Variants in SLC3A2 observed in about 807,000 individuals in gnomAD.
SLC3A2 encodes amino acid transporter heavy chain SLC3A2.
In SLC3A2, 32 loss-of-function variants were observed where a neutral mutation model predicts 48.5. The ratio of observed to expected loss-of-function variants is 0.66; its 90% CI spans 0.50 to 0.89. The LOEUF (loss-of-function observed/expected upper bound fraction) is 0.89. SLC3A2 is among the 40% of genes least tolerant of loss of function. The pLI is 0.00. For missense variants in SLC3A2, 587 were observed against 680.7 expected (o/e 0.86, Z 1.53); for synonymous variants, 277 against 288.8 (o/e 0.96, Z 0.41).
chr11:62,858,144 G>A (rs2085358922), intron 1 of SLC3A2, among the ~76,000 whole-genome samples: 1 of 152,188 alleles, frequency 6.6e-6, no homozygotes, highest in Non-Finnish European at 1.5e-5. Flanking sequence ...TGCCATAGTA[G>A]TTTAGGCAAG....
chr11:62,888,152 C>T lies in SLC3A2; in HGVS notation c.1161C>T (p.Val387=), dbSNP rs1297864613. The stretch of plus-strand genomic sequence containing the variant: ...CTTTTCAGCCTATGGAGGCTCCAGT[C>T]ATGCTGTGGGATGAGTCCAGCTTCC... ...ALPGQPMEAP[V]MLWDESSFPD... The change falls in exon 8 of 9, where the codon GTC becomes GTT. Residue 387 remains valine, a synonymous_variant. Transcript: ENST00000338663. The T allele has an allele frequency of 1.2e-6, 2 of 1,613,808 alleles. No homozygotes were observed. The highest frequency in any genetic ancestry group is 1.7e-6 in the Non-Finnish European group (2 of 1,179,982).
intron 1 of SLC3A2, among the ~76,000 whole-genome samples, chr11:62,872,146 A>T (rs1420760127): frequency 6.6e-6 from 1 of 152,022 alleles, no homozygotes; most frequent in Non-Finnish European, 1.5e-5. Flanking sequence ...CGATCTCCTG[A>T]CCTTGTGATC....
intron 1 of SLC3A2, among the ~76,000 whole-genome samples, chr11:62,870,399 T>C (rs573606708): frequency 1.3e-5 from 2 of 151,358 alleles, no homozygotes; most frequent in Admixed American, 1.3e-4. Flanking sequence ...TTGGCCAGGA[T>C]GGTCTTGATC....
intron 1 of SLC3A2, chr11:62,856,516 C>T: frequency 4.2e-6 from 3 of 709,830 alleles, no homozygotes; most frequent in Non-Finnish European, 6.9e-6. Flanking sequence ...GTCCTGCCTT[C>T]TGGTGCGTTT....
At chr11:62,868,801 G>A (rs1053830122) in intron 1 of SLC3A2, among the ~76,000 whole-genome samples, 1 of 152,202 alleles carries the variant, frequency 6.6e-6, no homozygotes, top group Admixed American at 6.6e-5. Flanking sequence ...CAATCTGACG[G>A]ACATGAAATT....
At position 62,881,286 on chromosome 11, in the gene SLC3A2, T is replaced by G; in HGVS notation, c.263T>G (p.Phe88Cys). ...ACCCGCTGGGCACTGCTGCTGCTCTTCTGGCTCGGCTGGCTCGGCATGCTT... is the reference window on the plus strand; with the variant it reads ...ACCCGCTGGGCACTGCTGCTGCTCTGCTGGCTCGGCTGGCTCGGCATGCTT... ...VRTRWALLLLFWLGWLGMLAG... is the reference protein window; with the variant it reads ...VRTRWALLLLCWLGWLGMLAG... The change falls in exon 1 of 9, where the codon TTC (phenylalanine) becomes TGC (cysteine). Residue 88 changes from phenylalanine to cysteine, a missense_variant. Physicochemically the swap from Phe to Cys is radical, Grantham distance 205 (BLOSUM62 -2). Around this residue, in one of 3 missense-constraint regions of SLC3A2, gnomAD observed 409 missense variants for 446.7 expected, o/e 0.92. Transcript: ENST00000338663. The surrounding 1 kb of genome is among the most constrained non-coding windows in gnomAD (Gnocchi z 4.0). The G allele has an allele frequency of 6.3e-7, 1 of 1,590,250 alleles. No homozygotes were observed. The highest frequency in any genetic ancestry group is 2.3e-5 in the East Asian group (1 of 43,778).
At chr11:62,865,561 CAA>C (rs35320203) in intron 1 of SLC3A2, among the ~76,000 whole-genome samples, 37 of 86,864 alleles carry the variant, frequency 4.3e-4, no homozygotes, top group African/African-American at 3.6e-4. Context: ...GTCTCCCCCA[CAA>C]AAAAAAAAAA....
At chr11:62,880,165 TAAG>T (rs1351022923), upstream of SLC3A2, among the ~76,000 whole-genome samples, 2 of 152,270 alleles carry the variant, frequency 1.3e-5, no homozygotes, top group African/African-American at 2.4e-5. Context: ...TGGGGTAGGA[TAAG>T]AAGGGGGGTG....
In SLC3A2 at chr11:62,881,993, C is replaced by G. The variant is rs377656242; in HGVS notation, c.525C>G (p.Asp175Glu). The G allele has an allele frequency of 1.3e-5, 21 of 1,614,124 alleles. No homozygotes were observed. The highest frequency in any genetic ancestry group is 1.8e-5 in the Non-Finnish European group (21 of 1,180,054). The change falls in exon 2 of 9, where the codon GAC (aspartate) becomes GAG (glutamate). Residue 175 changes from aspartate (D) to glutamate (E), a missense_variant. Asp to Glu is a conservative substitution (Grantham distance 45, BLOSUM62 2). Around this residue, in one of 3 missense-constraint regions of SLC3A2, gnomAD observed 409 missense variants for 446.7 expected, o/e 0.92. Coordinates refer to ENST00000338663, the MANE Select transcript of SLC3A2 (RefSeq NM_001013251.3). This position sits in a 1 kb window ranked among gnomAD's most constrained non-coding sequence, Gnocchi z 4.0. ...AGAAGGATGATGTCGCTCAGACTGA[C>G]TTGCTGCAGATCGACCCCAATTTTG... ...KNQKDDVAQT[D>E]LLQIDPNFGS...
At chr11:62,885,678 C>CG in intron 7 of SLC3A2, 70 bp downstream of exon 7, 1 of 1,548,668 alleles carries the variant, frequency 6.5e-7, no homozygotes, top group Non-Finnish European at 8.9e-7. Flanking sequence ...CTGGGGATGG[C>CG]GGCACATAGA....
chr11:62,871,938 A>C (rs2085521922), intron 1 of SLC3A2, among the ~76,000 whole-genome samples: 1 of 151,916 alleles, frequency 6.6e-6, no homozygotes, highest in African/African-American at 2.4e-5. Context: ...TTTGAGATGG[A>C]ATCTTGCTCT....
In SLC3A2 at chr11:62,856,519, G is replaced by A. The variant is rs181418876; in HGVS notation, c.112+138G>A. The A allele has an allele frequency of 1.3e-5, 9 of 699,030 alleles. No homozygotes were observed. In the East Asian group the frequency reaches 2.5e-4, roughly 20 times the overall value. 43.3% of individuals were successfully genotyped at this position (699,030 alleles called of 1,614,324 possible). ...CTGGTTCCCTATGTCCTGCCTTCTG[G>A]TGCGTTTTCTTTAGATCTTGGACTA... is the stretch of plus-strand genomic sequence containing the variant. On this transcript the variant is annotated intron_variant, in intron 1 of 9. Transcript: ENST00000377889.
intron 3 of SLC3A2, chr11:62,884,123 A>G: frequency 2.0e-6 from 1 of 502,074 alleles, no homozygotes; most frequent in Non-Finnish European, 3.9e-6. Context: ...GTATGCTAAC[A>G]TTCCAATGCT....
chr11:62,863,817 C>CT (rs2085425560), intron 1 of SLC3A2, among the ~76,000 whole-genome samples: 1 of 152,226 alleles, frequency 6.6e-6, no homozygotes, highest in Non-Finnish European at 1.5e-5. Context: ...CAAAAGGCAC[C>CT]TACTTCCCTG....
intron 7 of SLC3A2, chr11:62,886,611 A>G (rs2085717820): frequency 6.7e-6 from 1 of 149,654 alleles, no homozygotes; most frequent in Admixed American, 6.7e-5. Context: ...TTTTTTGGAG[A>G]CAGGTTCTTG....
chr11:62,871,691 A>T, intron 1 of SLC3A2: 1 of 594,128 alleles, frequency 1.7e-6, no homozygotes. Context: ...TTTAGCAAAT[A>T]ACATGCTTGC....
At chr11:62,858,649 T>A (rs901451071) in intron 1 of SLC3A2, among the ~76,000 whole-genome samples, 1 of 152,116 alleles carries the variant, frequency 6.6e-6, no homozygotes, top group Non-Finnish European at 1.5e-5. Flanking sequence ...GCGTTCAGCA[T>A]ATGGAGGATC....
chr11:62,876,527 T>G (rs561348101), upstream of SLC3A2, among the ~76,000 whole-genome samples: 4 of 152,162 alleles, frequency 2.6e-5, no homozygotes, highest in Non-Finnish European at 5.9e-5. Flanking sequence ...CTCTGGTCCA[T>G]TTCTCTAGTC....
chr11:62,858,935 CGTACAATCGGGTTTTATA>C (rs2085368122), intron 1 of SLC3A2, among the ~76,000 whole-genome samples: 1 of 152,190 alleles, frequency 6.6e-6, no homozygotes, highest in Admixed American at 6.5e-5. Context: ...GTAGATGGAA[CGTACAATCGGGTTTTATA>C]CCGAGACATT....
Sources: allele counts gnomAD v4.1 joint callset (sites outside exome capture counted in the v4.1 genomes callset), GRCh38; gene constraint gnomAD v4.1.1; regional missense constraint gnomAD v4.1.1; non-coding constraint Gnocchi (gnomAD v3.1); transcripts MANE v1.5; gene names NCBI Gene and HGNC (gene_info 2026-07-23, HGNC 2026-07-21).